Variants in RGS14 observed in about 807,000 individuals in gnomAD.
The protein encoded by RGS14 is regulator of G-protein signaling 14.
RGS14 carries 33 observed loss-of-function variants against 63.8 expected under a neutral mutation model. The ratio of observed to expected loss-of-function variants is 0.52; its 90% CI spans 0.39 to 0.69. The LOEUF (loss-of-function observed/expected upper bound fraction) is 0.69, where lower values mean the gene tolerates loss of function less well. Ranked by LOEUF, RGS14 falls within the 30% of genes least tolerant of loss-of-function variation. RGS14 has a pLI of 0.00. For missense variants in RGS14, 739 were observed against 742.9 expected (o/e 0.99, Z 0.06); for synonymous variants, 296 against 320.9 (o/e 0.92, Z 0.83).
chr5:177,364,010 C>T lies in RGS14; in HGVS notation c.46-1953C>T, dbSNP rs928636367. On this transcript the variant is annotated intron_variant, in intron 1 of 14. Coordinates refer to ENST00000408923, the MANE Select transcript of RGS14 (RefSeq NM_006480.5). The surrounding 1 kb of genome is among the most constrained non-coding windows in gnomAD (Gnocchi z 4.6). ...TCTTGCTTTTTAAATGTGGAAAATA[C>T]CTTTAAATAAAAATAATAATCATCA... Among the ~76,000 whole-genome samples, 1 of 152,120 alleles carries T rather than the reference C, an allele frequency of 6.6e-6. No individual in the cohort carries two copies. The highest frequency in any genetic ancestry group is 2.4e-5 in the African/African-American group (1 of 41,398).
chr5:177,366,603 T>G, intron 3 of RGS14, 105 bp from the exon 4 acceptor site: 1 of 1,096,524 alleles, frequency 9.1e-7, no homozygotes, highest in South Asian at 1.4e-5. Context: ...TCTGTCTGGC[T>G]TGGTCTCTTG....
chr5:177,371,198 C>G lies in RGS14; in HGVS notation c.1288C>G (p.Leu430Val). ...GAAACAGCCTCTGGATCTGGGGAAG[C>G]TAGTGAGCTCGGTGGCGGCCCAGAG... ...GEKQPLDLGK[L>V]VSSVAAQRLV... Residue 430 changes from leucine (L) to valine (V), a missense_variant, in exon 12 of 15, where the codon CTA becomes GTA. Transcript: ENST00000408923. The surrounding 1 kb of genome is among the most constrained non-coding windows in gnomAD (Gnocchi z 6.1). 6.2e-7 allele frequency: 1 copy of G among 1,613,712 alleles called. No individual in the cohort carries two copies. The highest frequency in any genetic ancestry group is 1.1e-5 in the South Asian group (1 of 91,078).
chr5:177,372,171 C>G lies in RGS14; in HGVS notation c.*96C>G. ...TGCCCTGTCTGTGCCATGAGTGTCCCTGGCCCCTTCCTGCCATGGGCAGGC... is the reference window on the plus strand; with the variant it reads ...TGCCCTGTCTGTGCCATGAGTGTCCGTGGCCCCTTCCTGCCATGGGCAGGC... On this transcript the variant is annotated 3_prime_UTR_variant, in exon 15 of 15. Coordinates refer to ENST00000408923, the MANE Select transcript of RGS14 (RefSeq NM_006480.5). 8.0e-7 allele frequency: 1 copy of G among 1,254,154 alleles called. No individual in the cohort carries two copies. The highest frequency in any genetic ancestry group is 1.1e-6 in the Non-Finnish European group (1 of 892,076). The allele number at this position is 1,254,154 out of a possible 1,614,324, so 77.7% of individuals were successfully genotyped here.
chr5:177,368,336 T>G, intron 8 of RGS14, 70 bp downstream of exon 8: 1 of 1,466,180 alleles, frequency 6.8e-7, no homozygotes, highest in Non-Finnish European at 9.2e-7. Context: ...ATTTACGTGG[T>G]GGCCCTCATT....
rs757207384 is a variant in RGS14 at position 177,371,166 on chromosome 5, C to T, written c.1256C>T (p.Pro419Leu). Residue 419 changes from proline (P) to leucine (L), a missense_variant and splice_region_variant, in exon 12 of 15, where the codon CCA (proline) becomes CTA (leucine). Physicochemically the swap from Pro to Leu is moderately conservative, Grantham distance 98. Coordinates refer to ENST00000408923, the MANE Select transcript of RGS14 (RefSeq NM_006480.5). This position sits in a 1 kb window ranked among gnomAD's most constrained non-coding sequence, Gnocchi z 6.1. ...CGGGCTGCTGACCTCTCCCCACAGC[C>T]AGGCGAGAAACAGCCTCTGGATCTG... The part of the protein sequence containing the change: ...LSPLEVVLHR[P>L]GEKQPLDLGK... 6.2e-7 allele frequency: 1 copy of T among 1,611,910 alleles called. No individual in the cohort carries two copies. Among genetic ancestry groups the T allele is most frequent in the South Asian group, 1.1e-5 (1 of 91,026 alleles).
Position 177,372,082 on chromosome 5 carries a change from C to T in RGS14, c.*7C>T. The T allele has an allele frequency of 6.2e-7, 1 of 1,613,154 alleles. No individual in the cohort carries two copies. Among genetic ancestry groups the T allele is most frequent in the African/African-American group, 1.3e-5 (1 of 75,054 alleles). ...CACCGACTCAGCCCTCTGACAGCTA[C>T]CCAACAGTCCAGGACAGCTGCATGG... On this transcript the variant is annotated 3_prime_UTR_variant, in exon 15 of 15. Coordinates refer to ENST00000408923, the MANE Select transcript of RGS14 (RefSeq NM_006480.5).
chr5:177,363,610 G>A lies in RGS14; in HGVS notation c.46-2353G>A, dbSNP rs550213080. Among the ~76,000 whole-genome samples, 7 of 152,278 alleles carry A rather than the reference G, an allele frequency of 4.6e-5. No individual in the cohort carries two copies. The South Asian group carries it at 1.5e-3, about 32-fold the overall frequency. On this transcript the variant is annotated intron_variant, in intron 1 of 14. Transcript: ENST00000408923. Reference sequence around the variant, plus strand: ...CACTGACACAAGAACGACATTAATAGTAACGTTCCTTGAACATTTACTACA... The same window carrying A: ...CACTGACACAAGAACGACATTAATAATAACGTTCCTTGAACATTTACTACA...
intron 3 of RGS14, 134 bp from the exon 4 acceptor site, chr5:177,366,574 G>A (rs1263593530): frequency 1.1e-5 from 10 of 884,018 alleles, no homozygotes; most frequent in East Asian, 2.6e-5. Context: ...GTCTGGCTCC[G>A]TCTGTCTGTC....
Position 177,365,295 on chromosome 5 carries a change from C to T in RGS14, c.46-668C>T, listed in dbSNP as rs1166946145. Among the ~76,000 whole-genome samples, 6 of 152,110 alleles carry T rather than the reference C, an allele frequency of 3.9e-5. No individual in the cohort carries two copies. In the East Asian group the frequency reaches 7.7e-4, roughly 20 times the overall value. The stretch of plus-strand genomic sequence containing the variant: ...GCAACCTCTGCCTCCTGGGTTCAAG[C>T]GATTCTCCTGCCTCAGCCTCCCGAG... On this transcript the variant is annotated intron_variant, in intron 1 of 14. Coordinates refer to ENST00000408923, the MANE Select transcript of RGS14 (RefSeq NM_006480.5).
rs759963190 is a variant in RGS14, at chr5:177,371,140, G to A, written c.1255-25G>A. On this transcript the variant is annotated intron_variant, in intron 11 of 14. Coordinates refer to ENST00000408923, the MANE Select transcript of RGS14 (RefSeq NM_006480.5). This position sits in a 1 kb window ranked among gnomAD's most constrained non-coding sequence, Gnocchi z 6.1. ...CCGGGGCCGGGCGGAGGCCTGTACC[G>A]CGGGCTGCTGACCTCTCCCCACAGC... 1 of 1,597,176 alleles carries A rather than the reference G, an allele frequency of 6.3e-7. No individual in the cohort carries two copies. Among genetic ancestry groups the A allele is most frequent in the Non-Finnish European group, 8.5e-7 (1 of 1,173,528 alleles).
chr5:177,368,702 C>T lies in RGS14; in HGVS notation c.850-15C>T, dbSNP rs1440914096. 1.2e-6 allele frequency: 2 copies of T among 1,613,576 alleles called. No individual in the cohort carries two copies. Among genetic ancestry groups the T allele is most frequent in the South Asian group, 1.1e-5 (1 of 91,048 alleles). On this transcript the variant is annotated splice_polypyrimidine_tract_variant and intron_variant, in intron 8 of 14. Coordinates refer to ENST00000408923, the MANE Select transcript of RGS14 (RefSeq NM_006480.5). ...ATGTGTACACATAATCTCCCCCACTCCTGCCATGAATCAGAGCCACCGGAA... is the reference window on the plus strand; with the variant it reads ...ATGTGTACACATAATCTCCCCCACTTCTGCCATGAATCAGAGCCACCGGAA...
In RGS14 at chr5:177,371,695, A is replaced by G; in HGVS notation, c.1498+106A>G. 1 of 1,255,804 alleles carries G rather than the reference A, an allele frequency of 8.0e-7. No individual in the cohort carries two copies. Among genetic ancestry groups the G allele is most frequent in the Non-Finnish European group, 1.1e-6 (1 of 882,490 alleles). The allele number at this position is 1,255,804 out of a possible 1,614,324, so 77.8% of individuals were successfully genotyped here. A position where few individuals can be genotyped will look rare whatever the true frequency, so the allele number is the denominator to read the frequency against. On this transcript the variant is annotated intron_variant, in intron 14 of 14. Transcript: ENST00000408923. The surrounding 1 kb of genome is among the most constrained non-coding windows in gnomAD (Gnocchi z 6.1). Reference sequence around the variant, plus strand: ...GAGCTAAGGCAGGGGGCTGGGTGCCACTGGGCGTGGAACAGGAAGGATGGG... The same window carrying G: ...GAGCTAAGGCAGGGGGCTGGGTGCCGCTGGGCGTGGAACAGGAAGGATGGG...
chr5:177,368,572 G>A, intron 8 of RGS14, 145 bp from the exon 9 acceptor site: 1 of 814,148 alleles, frequency 1.2e-6, no homozygotes, highest in Admixed American at 2.2e-5. Context: ...GTGCATACAT[G>A]TGTTCCTGCA....
chr5:177,370,289 A>T (rs1207326652), intron 9 of RGS14, among the ~76,000 whole-genome samples: 1 of 152,170 alleles, frequency 6.6e-6, no homozygotes, highest in East Asian at 1.9e-4. Flanking sequence ...TAGGCCAGAG[A>T]TCCCGGATCT....
At position 177,371,067 on chromosome 5, in the gene RGS14, GCCGGGCCGGGGC is replaced by G. The variant is rs1405298263; in HGVS notation, c.1254+38_1254+49del. 308 of 657,332 alleles carry G rather than the reference GCCGGGCCGGGGC, an allele frequency of 4.7e-4. 11 individuals are homozygous for G. The Middle Eastern group carries it at 8.5e-3, about 18-fold the overall frequency. 40.7% of individuals were successfully genotyped at this position (657,332 alleles called of 1,614,324 possible). A position where few individuals can be genotyped will look rare whatever the true frequency, so the allele number is the denominator to read the frequency against. ...GGGCCGCGGGGCGGGGCGGGGCGGG[GCCGGGCCGGGGC>G]CGGGGCCGGGGCCGGGGCCGGGGCC... On this transcript the variant is annotated intron_variant, in intron 11 of 14. Coordinates refer to ENST00000408923, the MANE Select transcript of RGS14 (RefSeq NM_006480.5). This position sits in a 1 kb window ranked among gnomAD's most constrained non-coding sequence, Gnocchi z 6.1.
intron 7 of RGS14, 138 bp from the exon 8 acceptor site, chr5:177,368,019 G>C: frequency 6.8e-7 from 1 of 1,459,982 alleles, no homozygotes; most frequent in African/African-American, 1.4e-5. Context: ...AATCTCCAAC[G>C]GTGGTGTCGC....
chr5:177,369,248 C>A (rs1406809255), intron 9 of RGS14, among the ~76,000 whole-genome samples: 1 of 152,176 alleles, frequency 6.6e-6, no homozygotes, highest in African/African-American at 2.4e-5. Flanking sequence ...AATGGCCATC[C>A]GTGGGGTGCC....
At position 177,364,807 on chromosome 5, in the gene RGS14, A is replaced by G. The variant is rs1762053567; in HGVS notation, c.46-1156A>G. Among the ~76,000 whole-genome samples, 1 of 152,214 alleles carries G rather than the reference A, an allele frequency of 6.6e-6. No homozygotes were observed. The highest frequency in any genetic ancestry group is 2.4e-5 in the African/African-American group (1 of 41,442). ...AATGATTGGGATTCCCAGAGAAACC[A>G]GAGTTGTGCACTGGGGGCAAGGATG... is the stretch of plus-strand genomic sequence containing the variant. On this transcript the variant is annotated intron_variant, in intron 1 of 14. Transcript: ENST00000408923. This position sits in a 1 kb window ranked among gnomAD's most constrained non-coding sequence, Gnocchi z 4.6.
chr5:177,360,773 C>T (rs1351155977), intron 1 of RGS14, among the ~76,000 whole-genome samples: 1 of 152,000 alleles, frequency 6.6e-6, no homozygotes. Flanking sequence ...ATTAGCTGGG[C>T]GTGGTGGTAT....
Sources: allele counts gnomAD v4.1 joint callset (sites outside exome capture counted in the v4.1 genomes callset), GRCh38; gene constraint gnomAD v4.1.1; non-coding constraint Gnocchi (gnomAD v3.1); transcripts MANE v1.5; gene names NCBI Gene and HGNC (gene_info 2026-07-23, HGNC 2026-07-21).